The following GALNT14 variants were observed in gnomAD, a reference collection of about 807,000 sequenced individuals.
GALNT14 encodes the protein UDP-GalNAc:polypeptide N-acetylgalactosaminyltransferase 14.
Under a neutral mutation model 77.5 loss-of-function variants are expected in GALNT14, and 60 were observed. That is an observed-to-expected ratio of 0.77 (90% confidence interval 0.63 to 0.96). The LOEUF (loss-of-function observed/expected upper bound fraction) is 0.96. Ranked by LOEUF, GALNT14 falls within the 40% of genes least tolerant of loss-of-function variation. GALNT14 has a pLI of 0.00. For missense variants in GALNT14, 710 were observed against 731.0 expected, an observed-to-expected ratio of 0.97 and a Z score of 0.33; for synonymous variants, 280 against 281.7, an observed-to-expected ratio of 0.99 and a Z score of 0.06.
At position 31,138,129 on chromosome 2, in the gene GALNT14, G is replaced by T. The variant is rs1679313071; in HGVS notation, c.-43C>A. Reference sequence around the variant, plus strand: ...CCTCTCCGCGGCGCTACGTCCCGGGGGCACCCCCCGGCGGTCAGGGTTGGC... The same window carrying T: ...CCTCTCCGCGGCGCTACGTCCCGGGTGCACCCCCCGGCGGTCAGGGTTGGC... On this transcript the variant is annotated 5_prime_UTR_variant, in exon 1 of 15. Coordinates refer to ENST00000349752, the MANE Select transcript of GALNT14 (RefSeq NM_024572.4). 3 of 1,612,468 alleles carry T rather than the reference G, an allele frequency of 1.9e-6. No individual in the cohort carries two copies. The highest frequency in any genetic ancestry group is 2.5e-6 in the Non-Finnish European group (3 of 1,179,360).
intron 3 of GALNT14, among the ~76,000 whole-genome samples, chr2:30,963,514 C>T (rs1381773756): frequency 6.6e-6 from 1 of 152,186 alleles, no homozygotes; most frequent in South Asian, 2.1e-4. Context: ...CTGAGCACAG[C>T]AGCTAAGGTA....
intron 1 of GALNT14, among the ~76,000 whole-genome samples, chr2:31,047,458 A>C (rs1205889051): frequency 6.6e-6 from 1 of 152,206 alleles, no homozygotes; most frequent in Non-Finnish European, 1.5e-5. Flanking sequence ...CCAGGGCCAC[A>C]GATTCCCATT....
At chr2:31,075,381 C>A (rs766408593) in intron 1 of GALNT14, among the ~76,000 whole-genome samples, 5 of 152,190 alleles carry the variant, frequency 3.3e-5, no homozygotes, top group African/African-American at 1.2e-4. Flanking sequence ...CTTTCATATG[C>A]AAATGTGTCT....
chr2:30,984,708 C>A (rs938401329), intron 2 of GALNT14, among the ~76,000 whole-genome samples: 1 of 152,180 alleles, frequency 6.6e-6, no homozygotes, highest in Admixed American at 6.5e-5. Flanking sequence ...TAAAATCCTA[C>A]GTGCCCCACT....
intron 1 of GALNT14, among the ~76,000 whole-genome samples, chr2:31,089,658 G>C (rs1335100872): frequency 6.6e-6 from 1 of 152,030 alleles, no homozygotes; most frequent in South Asian, 2.1e-4. Flanking sequence ...GAAAGCAGAG[G>C]GTTATTTTCT....
At chr2:30,987,812 G>T (rs1282412247) in intron 2 of GALNT14, among the ~76,000 whole-genome samples, 1 of 149,266 alleles carries the variant, frequency 6.7e-6, no homozygotes, top group Non-Finnish European at 1.5e-5. Context: ...CCGCCCTCCT[G>T]GCAGCACTTG....
chr2:30,902,151 TC>T, the GALNT14 span, among the ~76,000 whole-genome samples: 1 of 152,202 alleles, frequency 6.6e-6, no homozygotes, highest in Admixed American at 6.5e-5. Context: ...GGCAAAGGCA[TC>T]CCTGGGGCTG....
intron 2 of GALNT14, among the ~76,000 whole-genome samples, chr2:30,974,104 C>G (rs1668507149): frequency 6.6e-6 from 1 of 152,262 alleles, no homozygotes; most frequent in East Asian, 1.9e-4. Flanking sequence ...TGTCATCCAC[C>G]CTCTGCTTCC....
chr2:30,957,620 T>C (rs1667444112), intron 4 of GALNT14, among the ~76,000 whole-genome samples: 1 of 152,072 alleles, frequency 6.6e-6, no homozygotes, highest in Non-Finnish European at 1.5e-5. Flanking sequence ...GCAGCACCAA[T>C]GGGTAGGGGT....
chr2:30,945,038 G>A, intron 7 of GALNT14, 96 bp from the exon 8 acceptor site: 1 of 1,092,618 alleles, frequency 9.2e-7, no homozygotes, highest in Non-Finnish European at 1.3e-6. Flanking sequence ...CCAGGTCCTG[G>A]AGAGGTAGGT....
intron 1 of GALNT14, among the ~76,000 whole-genome samples, chr2:31,054,777 C>G (rs915414809): frequency 1.3e-5 from 2 of 152,202 alleles, no homozygotes; most frequent in African/African-American, 4.8e-5. Context: ...GATATCAACT[C>G]AGCATTACCG....
At chr2:31,028,050 T>TAAAC (rs1469879204) in intron 1 of GALNT14, among the ~76,000 whole-genome samples, 2 of 152,156 alleles carry the variant, frequency 1.3e-5, no homozygotes, top group African/African-American at 2.4e-5. Context: ...AGTGTGCTTG[T>TAAAC]AAACCTTAAC....
chr2:31,089,536 AT>A (rs200952688), intron 1 of GALNT14, among the ~76,000 whole-genome samples: 5 of 151,182 alleles, frequency 3.3e-5, no homozygotes, highest in South Asian at 2.1e-4. Flanking sequence ...GTTTGGATTT[AT>A]TTTTTTTTCT....
intron 9 of GALNT14, among the ~76,000 whole-genome samples, chr2:30,935,075 A>G (rs1343260106): frequency 6.6e-6 from 1 of 152,200 alleles, no homozygotes; most frequent in African/African-American, 2.4e-5. Context: ...CCATGGGAGG[A>G]AAATGACCCC....
chr2:31,033,908 C>CA (rs1357783652), intron 1 of GALNT14, among the ~76,000 whole-genome samples: 6 of 152,218 alleles, frequency 3.9e-5, no homozygotes, highest in Non-Finnish European at 8.8e-5. Flanking sequence ...CAACAGCAAA[C>CA]AAACCCTCAC....
intron 1 of GALNT14, among the ~76,000 whole-genome samples, chr2:31,044,496 C>A (rs886098677): frequency 6.6e-5 from 10 of 152,192 alleles, no homozygotes; most frequent in African/African-American, 2.4e-4. Context: ...GATGTGAAGT[C>A]TCTCCACTCT....
At chr2:31,128,766 C>T (rs916775794) in intron 1 of GALNT14, among the ~76,000 whole-genome samples, 3 of 152,128 alleles carry the variant, frequency 2.0e-5, no homozygotes, top group Non-Finnish European at 4.4e-5. Context: ...CCGAGTCTGC[C>T]GTTACAGTCC....
At chr2:31,107,781 TTA>T (rs2148621222) in intron 1 of GALNT14, among the ~76,000 whole-genome samples, 1 of 152,298 alleles carries the variant, frequency 6.6e-6, no homozygotes, top group South Asian at 2.1e-4. Flanking sequence ...CTGTTTGCCA[TTA>T]TGAAGGGTTT....
intron 1 of GALNT14, among the ~76,000 whole-genome samples, chr2:31,022,519 A>G (rs1480766277): frequency 6.6e-6 from 1 of 152,112 alleles, no homozygotes; most frequent in Non-Finnish European, 1.5e-5. Flanking sequence ...CCCATCCCAC[A>G]CAGGGCCTCC....
Sources: gnomAD v4.1 joint callset for allele counts (sites outside exome capture counted in the v4.1 genomes callset) on GRCh38, gnomAD v4.1.1 for gene constraint, MANE v1.5 for transcripts, NCBI Gene and HGNC (gene_info 2026-07-23, HGNC 2026-07-21) for gene names.